EYS: variants seen among roughly 807,000 people sequenced by gnomAD.
The protein encoded by EYS is protein eyes shut homolog.
EYS carries 250 observed loss-of-function variants against 282.1 expected under a neutral mutation model. The observed-to-expected ratio is 0.89, with a 90% CI of 0.80 to 0.98. The LOEUF (loss-of-function observed/expected upper bound fraction) is 0.98, where lower values mean the gene tolerates loss of function less well. Among genes scored for constraint, EYS ranks in the 50% least tolerant of loss-of-function variants. The pLI is 0.00. For missense variants in EYS, 4,016 were observed against 3,709.0 expected, an observed-to-expected ratio of 1.08 and a Z score of -2.15; for synonymous variants, 1,355 against 1,282.9, an observed-to-expected ratio of 1.06 and a Z score of -1.20.
chr6:64,245,121 T>C (rs952220456), intron 30 of EYS, among the ~76,000 whole-genome samples: 12 of 152,046 alleles, frequency 7.9e-5, no homozygotes, highest in Non-Finnish European at 1.6e-4. Flanking sequence ...AACGATGGTT[T>C]CCAGCTTCAC....
At chr6:63,777,712 T>C in intron 40 of EYS, 2 of 259,736 alleles carry the variant, frequency 7.7e-6, no homozygotes, top group South Asian at 1.3e-4. Flanking sequence ...TGGTTAACAT[T>C]TCTGTCTACT....
intron 30 of EYS, among the ~76,000 whole-genome samples, chr6:64,296,684 G>A (rs1327203284): frequency 6.8e-6 from 1 of 147,122 alleles, no homozygotes; most frequent in Non-Finnish European, 1.5e-5. Flanking sequence ...TTGGCTCACT[G>A]CACCCTCTGC....
At chr6:64,904,053 A>C (rs575428739) in intron 16 of EYS, among the ~76,000 whole-genome samples, 22 of 152,238 alleles carry the variant, frequency 1.4e-4, no homozygotes, top group African/African-American at 5.1e-4. Context: ...GCCAATTTAA[A>C]GGTAGAGGCA....
chr6:65,284,387 A>G (rs1430397798), intron 12 of EYS, among the ~76,000 whole-genome samples: 2 of 152,038 alleles, frequency 1.3e-5, no homozygotes, highest in African/African-American at 2.4e-5. Flanking sequence ...TTTGCAGGTG[A>G]TTTTTAAAAA....
chr6:64,368,234 G>A (rs1254990239), intron 29 of EYS, among the ~76,000 whole-genome samples: 2 of 151,980 alleles, frequency 1.3e-5, no homozygotes, highest in Admixed American at 1.3e-4. Flanking sequence ...CACAATAATG[G>A]CCTCCTGCTC....
intron 22 of EYS, among the ~76,000 whole-genome samples, chr6:64,657,332 T>C (rs909047648): frequency 2.6e-5 from 4 of 152,330 alleles, no homozygotes; most frequent in Admixed American, 1.3e-4. Flanking sequence ...TGTCTTTTAA[T>C]TGGAGCATTT....
In EYS at chr6:64,373,924, G is replaced by A. The variant is rs1772476371; in HGVS notation, c.6078+14766C>T. On this transcript the variant is annotated intron_variant, in intron 29 of 42. Transcript: ENST00000503581. ...AGTTTTACAGAAGCAGGACCACAGGGTCAGAAGAGCTAATAGGCATTAGCT... is the reference window on the plus strand; with the variant it reads ...AGTTTTACAGAAGCAGGACCACAGGATCAGAAGAGCTAATAGGCATTAGCT... 2.0e-5 allele frequency among the ~76,000 whole-genome samples: 3 copies of A among 152,002 alleles called. No homozygotes were observed. The South Asian group carries it at 6.2e-4, about 32-fold the overall frequency.
intron 14 of EYS, among the ~76,000 whole-genome samples, chr6:64,968,617 C>T (rs915006606): frequency 6.6e-6 from 1 of 152,058 alleles, no homozygotes; most frequent in African/African-American, 2.4e-5. Context: ...AATCACATTA[C>T]CTAGGACCCT....
chr6:64,130,871 T>C (rs1358527699), intron 31 of EYS, among the ~76,000 whole-genome samples: 2 of 152,092 alleles, frequency 1.3e-5, no homozygotes, highest in Admixed American at 1.3e-4. Flanking sequence ...GTGATTTATT[T>C]ATTTATTTAT....
chr6:63,963,119 G>T (rs1326110786), intron 35 of EYS, among the ~76,000 whole-genome samples: 2 of 138,196 alleles, frequency 1.4e-5, no homozygotes, highest in Admixed American at 7.3e-5. Context: ...TGGGGTGGGG[G>T]GAAGGGGGAG....
chr6:64,954,467 A>G (rs917236930), intron 14 of EYS, among the ~76,000 whole-genome samples: 37 of 152,100 alleles, frequency 2.4e-4, no homozygotes, highest in African/African-American at 8.7e-4. Flanking sequence ...TCCCTAGTAC[A>G]CAAATAATAA....
At chr6:63,779,745 TTC>T (rs754024870) in intron 39 of EYS, among the ~76,000 whole-genome samples, 2,013 of 146,428 alleles carry the variant, frequency 0.014, 18 homozygotes, top group Non-Finnish European at 0.02. Context: ...AGCTTTCTTT[TTC>T]TTTTTTTTGT....
intron 2 of EYS, among the ~76,000 whole-genome samples, chr6:65,569,407 C>A (rs1225225517): frequency 6.6e-6 from 1 of 152,124 alleles, no homozygotes; most frequent in East Asian, 1.9e-4. Context: ...CACACGGACA[C>A]CAGTGAAAAT....
rs573625673 is a variant in EYS, at chr6:65,496,796, T to A, written c.-332-803A>T. Among the ~76,000 whole-genome samples, 262 of 152,210 alleles carry A rather than the reference T, an allele frequency of 1.7e-3. 2 individuals carry two copies. Among genetic ancestry groups the A allele is most frequent in the Middle Eastern group, 6.8e-3 (2 of 294 alleles). On this transcript the variant is annotated intron_variant, in intron 2 of 42. Coordinates refer to ENST00000503581, the MANE Select transcript of EYS (RefSeq NM_001142800.2). The stretch of plus-strand genomic sequence containing the variant: ...TTCAAAATATCGGCATTTTCTACTG[T>A]ACTATAAAGATCAATTAAATGTTGT...
At chr6:65,221,974 C>T (rs896779502) in intron 12 of EYS, among the ~76,000 whole-genome samples, 26 of 152,100 alleles carry the variant, frequency 1.7e-4, no homozygotes, top group African/African-American at 6.0e-4. Context: ...GACCTGTAGC[C>T]CTTCCTTTTG....
chr6:63,888,065 A>C (rs1773310914), intron 35 of EYS, among the ~76,000 whole-genome samples: 2 of 152,108 alleles, frequency 1.3e-5, no homozygotes, highest in African/African-American at 4.8e-5. Flanking sequence ...CCTCAAAGAA[A>C]CTGTAGTCAG....
rs1407991536 is a variant in EYS at position 65,689,620 on chromosome 6, T to C, written c.-448+17515A>G. On this transcript the variant is annotated intron_variant, in intron 1 of 42. Coordinates refer to ENST00000503581, the MANE Select transcript of EYS (RefSeq NM_001142800.2). ...GCTGTGATATATATGAATATAGATATGTTTAATAATAACATAAGTATTTTA... is the reference window on the plus strand; with the variant it reads ...GCTGTGATATATATGAATATAGATACGTTTAATAATAACATAAGTATTTTA... Among the ~76,000 whole-genome samples, 5 of 150,366 alleles carry C rather than the reference T, an allele frequency of 3.3e-5. 1 individual carries two copies. Among genetic ancestry groups the C allele is most frequent in the Non-Finnish European group, 5.9e-5 (4 of 67,756 alleles).
intron 12 of EYS, among the ~76,000 whole-genome samples, chr6:65,263,177 T>TA (rs1392156934): frequency 5.9e-5 from 9 of 151,650 alleles, no homozygotes; most frequent in Admixed American, 3.3e-4. Flanking sequence ...CCCACCTCTA[T>TA]AAAAAACACA....
At chr6:64,774,091 C>T (rs1304673817) in intron 22 of EYS, among the ~76,000 whole-genome samples, 1 of 151,872 alleles carries the variant, frequency 6.6e-6, no homozygotes, top group Non-Finnish European at 1.5e-5. Context: ...AATTACCTTT[C>T]ATTATTACAC....
Sources: gnomAD v4.1 joint callset for allele counts (sites outside exome capture counted in the v4.1 genomes callset) on GRCh38, gnomAD v4.1.1 for gene constraint, MANE v1.5 for transcripts, NCBI Gene and HGNC (gene_info 2026-07-23, HGNC 2026-07-21) for gene names.